Variants in CNTN5 observed in about 807,000 individuals in gnomAD.
The protein encoded by CNTN5 is contactin 5.
CNTN5 carries 77 observed loss-of-function variants against 129.1 expected under a neutral mutation model. That is an observed-to-expected ratio of 0.60 (90% confidence interval 0.50 to 0.72). CNTN5 has a LOEUF of 0.72. Ranked by LOEUF, CNTN5 falls within the 30% of genes least tolerant of loss-of-function variation. The pLI is 0.00. For synonymous variants in CNTN5, 509 were observed against 465.6 expected (o/e 1.09, Z -1.20); for missense variants, 1,478 against 1,328.8 (o/e 1.11, Z -1.75).
intron 3 of CNTN5, among the ~76,000 whole-genome samples, chr11:99,566,425 GAACT>G (rs370243754): frequency 8.2e-4 from 125 of 152,250 alleles, no homozygotes; most frequent in African/African-American, 2.8e-3. Flanking sequence ...ACGTAAGAAC[GAACT>G]AACACACATG....
At chr11:100,140,997 A>T (rs1050032349) in intron 13 of CNTN5, among the ~76,000 whole-genome samples, 1 of 152,142 alleles carries the variant, frequency 6.6e-6, no homozygotes, top group Non-Finnish European at 1.5e-5. Flanking sequence ...GTTCACATCA[A>T]AGGGCTAACA....
intron 1 of CNTN5, among the ~76,000 whole-genome samples, chr11:99,147,122 C>T (rs1362583442): frequency 6.6e-6 from 1 of 152,194 alleles, no homozygotes; most frequent in Admixed American, 6.5e-5. Flanking sequence ...TGCTTGCTTT[C>T]CAACCCTAAG....
intron 2 of CNTN5, among the ~76,000 whole-genome samples, chr11:99,457,181 T>C (rs1944527420): frequency 6.6e-6 from 1 of 151,992 alleles, no homozygotes; most frequent in African/African-American, 2.4e-5. Context: ...TTTGAAAATA[T>C]TATCTGTCTT....
intron 13 of CNTN5, among the ~76,000 whole-genome samples, chr11:100,163,847 C>T (rs903996516): frequency 2.6e-5 from 4 of 151,848 alleles, no homozygotes; most frequent in Admixed American, 1.3e-4. Context: ...TGCTGTTACT[C>T]CTATGTACCA....
chr11:99,763,290 A>C (rs1288307993), intron 3 of CNTN5, among the ~76,000 whole-genome samples: 1 of 152,126 alleles, frequency 6.6e-6, no homozygotes, highest in Non-Finnish European at 1.5e-5. Flanking sequence ...ATCCTTTACC[A>C]TACAGAGATG....
chr11:99,283,376 T>C (rs1320833789), intron 1 of CNTN5, among the ~76,000 whole-genome samples: 1 of 152,118 alleles, frequency 6.6e-6, no homozygotes, highest in Non-Finnish European at 1.5e-5. Context: ...TGTTTCTCTC[T>C]GTCTCACACA....
chr11:100,295,333 AT>A (rs1951079478), intron 18 of CNTN5, among the ~76,000 whole-genome samples: 1 of 151,558 alleles, frequency 6.6e-6, no homozygotes, highest in Non-Finnish European at 1.5e-5. Flanking sequence ...TTGAAATCAC[AT>A]ACTTTCAAAA....
Position 99,030,025 on chromosome 11 carries a change from A to G in CNTN5, c.-210+8755A>G, listed in dbSNP as rs182194813. Among the ~76,000 whole-genome samples the G allele has an allele frequency of 5.8e-3, 882 of 152,306 alleles. 14 individuals carry two copies. Among genetic ancestry groups the G allele is most frequent in the African/African-American group, 0.02 (851 of 41,566 alleles). ...GCATCTAGAATGAACTCCACAGAAG[A>G]GAGAGAAGAGAGAAGAAACCACATT... On this transcript the variant is annotated intron_variant, in intron 1 of 24. Transcript: ENST00000524871.
intron 2 of CNTN5, among the ~76,000 whole-genome samples, chr11:99,511,873 TA>T (rs1565245772): frequency 6.6e-6 from 1 of 151,778 alleles, no homozygotes; most frequent in Admixed American, 6.6e-5. Context: ...TGTAGTTGCA[TA>T]AAAAAAGAAA....
intron 18 of CNTN5, among the ~76,000 whole-genome samples, chr11:100,273,819 A>G (rs1950452772): frequency 6.6e-6 from 1 of 152,246 alleles, no homozygotes; most frequent in African/African-American, 2.4e-5. Flanking sequence ...TATAGAGTTC[A>G]TGGTATTTCT....
At chr11:99,733,562 AT>A (rs1943606054) in intron 3 of CNTN5, among the ~76,000 whole-genome samples, 1 of 152,018 alleles carries the variant, frequency 6.6e-6, no homozygotes, top group Non-Finnish European at 1.5e-5. Context: ...TGTCTCCACA[AT>A]TGCTTTTCTA....
At chr11:99,398,139 G>A (rs1941621835) in intron 2 of CNTN5, among the ~76,000 whole-genome samples, 1 of 151,842 alleles carries the variant, frequency 6.6e-6, no homozygotes, top group East Asian at 1.9e-4. Context: ...CACATGGATT[G>A]TGATTTCAGA....
chr11:100,202,830 T>C (rs1948814530), intron 15 of CNTN5, among the ~76,000 whole-genome samples: 1 of 151,990 alleles, frequency 6.6e-6, no homozygotes. Flanking sequence ...AATGAAGACC[T>C]GAGCAACACA....
chr11:100,150,266 A>G (rs370229535), intron 13 of CNTN5, among the ~76,000 whole-genome samples: 1 of 152,158 alleles, frequency 6.6e-6, no homozygotes, highest in Non-Finnish European at 1.5e-5. Flanking sequence ...TGCATTCTTC[A>G]GAAAAATACA....
chr11:99,490,005 T>A (rs1405232905), intron 2 of CNTN5, among the ~76,000 whole-genome samples: 2 of 152,214 alleles, frequency 1.3e-5, no homozygotes, highest in Non-Finnish European at 2.9e-5. Context: ...TTATTATATC[T>A]GGACATATTC....
chr11:99,053,198 A>G (rs1864492399), intron 1 of CNTN5, among the ~76,000 whole-genome samples: 1 of 151,906 alleles, frequency 6.6e-6, no homozygotes, highest in South Asian at 2.1e-4. Context: ...CAGAGCTGAG[A>G]TTATTTCTGT....
intron 1 of CNTN5, among the ~76,000 whole-genome samples, chr11:99,315,367 T>G (rs1185010198): frequency 1.3e-5 from 2 of 149,292 alleles, no homozygotes; most frequent in African/African-American, 2.4e-5. Context: ...CATAAACATG[T>G]TATAGTTTAA....
intron 1 of CNTN5, among the ~76,000 whole-genome samples, chr11:99,295,845 C>T (rs535066480): frequency 1.5e-4 from 21 of 143,698 alleles, no homozygotes; most frequent in African/African-American, 5.4e-4. Context: ...CACTGCAGTC[C>T]GCAGTCTGGC....
chr11:99,838,738 A>G (rs1375962443), intron 4 of CNTN5, among the ~76,000 whole-genome samples: 2 of 152,148 alleles, frequency 1.3e-5, no homozygotes. Context: ...GTTCCTTACC[A>G]TGTCGGCCTC....
Sources: allele counts gnomAD v4.1 joint callset (sites outside exome capture counted in the v4.1 genomes callset), GRCh38; gene constraint gnomAD v4.1.1; transcripts MANE v1.5; gene names NCBI Gene and HGNC (gene_info 2026-07-23, HGNC 2026-07-21).